DOCK10: variants seen among roughly 807,000 people sequenced by gnomAD.
DOCK10 encodes dedicator of cytokinesis protein 10.
A neutral mutation model predicts 280.1 loss-of-function variants in DOCK10; 145 were observed. That is an observed-to-expected ratio of 0.52 (90% CI 0.45 to 0.59). The LOEUF is 0.59. DOCK10 is among the 20% of genes least tolerant of loss of function. The pLI is 0.00. For missense variants in DOCK10, 2,368 were observed against 2,651.7 expected (o/e 0.89, Z 2.35); for synonymous variants, 915 against 942.2 (o/e 0.97, Z 0.53).
At chr2:224,849,422 G>T in intron 19 of DOCK10, 85 bp downstream of exon 19, 5 of 927,860 alleles carry the variant, frequency 5.4e-6, no homozygotes, top group Non-Finnish European at 1.7e-6. Flanking sequence ...GAGGTCTAGA[G>T]AGAGTGTTTT....
chr2:224,774,911 G>A lies in DOCK10; in HGVS notation c.6007C>T (p.Leu2003=), dbSNP rs768521140. 1.3e-6 allele frequency: 2 copies of A among 1,589,562 alleles called. No homozygotes were observed. Among genetic ancestry groups the A allele is most frequent in the Non-Finnish European group, 1.7e-6 (2 of 1,167,158 alleles). Residue 2003 remains leucine, a synonymous_variant, in exon 52 of 56, where the codon CTG becomes TTG. Transcript: ENST00000258390. ...VAEQCKRRTI[L]TTSHLFPYVK... ...CCCGGCTACCTGCACCTACTTGTCA[G>A]GATCGTCCGCCGCTTGCACTGCTCC...
chr2:224,881,119 C>T (rs1291036085), intron 7 of DOCK10, among the ~76,000 whole-genome samples: 1 of 152,110 alleles, frequency 6.6e-6, no homozygotes, highest in East Asian at 1.9e-4. Context: ...CATATATATA[C>T]ACATATATGT....
chr2:224,827,395 G>C (rs1694940856), intron 27 of DOCK10, among the ~76,000 whole-genome samples: 1 of 152,086 alleles, frequency 6.6e-6, no homozygotes, highest in Non-Finnish European at 1.5e-5. Flanking sequence ...CACTGAAAGG[G>C]GTCACGGAAA....
intron 3 of DOCK10, among the ~76,000 whole-genome samples, chr2:224,907,085 T>G (rs918689201): frequency 6.6e-6 from 1 of 152,206 alleles, no homozygotes; most frequent in Non-Finnish European, 1.5e-5. Flanking sequence ...GAATTGCAAT[T>G]AGCAGAGTCT....
intron 13 of DOCK10, among the ~76,000 whole-genome samples, chr2:224,864,292 G>A (rs1697721111): frequency 6.6e-6 from 1 of 152,176 alleles, no homozygotes; most frequent in African/African-American, 2.4e-5. Flanking sequence ...CCGATCACTT[G>A]AAGTCAGGAG....
intron 2 of DOCK10, among the ~76,000 whole-genome samples, chr2:224,919,401 T>C (rs1559761842): frequency 6.6e-6 from 1 of 150,976 alleles, no homozygotes; most frequent in Admixed American, 6.6e-5. Context: ...GTGTGTGGTA[T>C]ATGAATGTGT....
chr2:224,969,073 T>G (rs905638655), intron 1 of DOCK10, among the ~76,000 whole-genome samples: 2 of 152,208 alleles, frequency 1.3e-5, no homozygotes, highest in African/African-American at 4.8e-5. Flanking sequence ...CAGCTGTGAT[T>G]TTTTTTCTAC....
chr2:224,771,892 T>C (rs1206168116), intron 53 of DOCK10, among the ~76,000 whole-genome samples: 2 of 150,092 alleles, frequency 1.3e-5, no homozygotes, highest in Non-Finnish European at 3.0e-5. Context: ...AGTGTCAGGA[T>C]CAGTAGCATT....
intron 2 of DOCK10, among the ~76,000 whole-genome samples, chr2:224,919,150 A>T (rs1701535951): frequency 7.5e-6 from 1 of 132,478 alleles, no homozygotes; most frequent in Admixed American, 7.7e-5. Context: ...TGGTGTGTGT[A>T]TGTGTGGTGT....
At chr2:224,889,394 T>C (rs1699526649) in intron 4 of DOCK10, among the ~76,000 whole-genome samples, 1 of 152,144 alleles carries the variant, frequency 6.6e-6, no homozygotes, top group Non-Finnish European at 1.5e-5. Flanking sequence ...ATCAGAACCA[T>C]GTTCTCCATT....
intron 2 of DOCK10, among the ~76,000 whole-genome samples, chr2:224,918,996 A>T: frequency 8.7e-6 from 1 of 114,432 alleles, no homozygotes; most frequent in Non-Finnish European, 1.8e-5. Context: ...TGGTAAGTGT[A>T]TGTGTATGTG....
At chr2:224,854,560 T>C (rs1407253510) in intron 16 of DOCK10, among the ~76,000 whole-genome samples, 1 of 152,178 alleles carries the variant, frequency 6.6e-6, no homozygotes, top group Non-Finnish European at 1.5e-5. Context: ...AATGGGAGAA[T>C]ATATTGTCCC....
chr2:225,025,188 G>A (rs765773527), intron 1 of DOCK10, among the ~76,000 whole-genome samples: 2 of 152,342 alleles, frequency 1.3e-5, no homozygotes, highest in Non-Finnish European at 2.9e-5. Context: ...GAGATATCGA[G>A]TGAGAAGAAT....
At chr2:224,821,461 T>C (rs553938224) in intron 28 of DOCK10, among the ~76,000 whole-genome samples, 1 of 152,356 alleles carries the variant, frequency 6.6e-6, no homozygotes, top group East Asian at 1.9e-4. Flanking sequence ...CTCAAATTTA[T>C]TGGAATTGCA....
intron 1 of DOCK10, among the ~76,000 whole-genome samples, chr2:224,935,451 A>C (rs1702629743): frequency 6.6e-6 from 1 of 152,208 alleles, no homozygotes; most frequent in African/African-American, 2.4e-5. Flanking sequence ...AGTATAAAGT[A>C]GAGTGTGAGT....
intron 15 of DOCK10, 74 bp downstream of exon 15, chr2:224,856,767 GTGTTCGAGAATGAGATCCT>G (rs1372146050): frequency 2.5e-5 from 30 of 1,199,040 alleles, no homozygotes; most frequent in Non-Finnish European, 3.4e-5. Flanking sequence ...GGAGGTTTGG[GTGTTCGAGAATGAGATCCT>G]CAGGTATTTA....
Position 224,805,448 on chromosome 2 carries a change from G to A in DOCK10, c.3896C>T (p.Thr1299Ile), listed in dbSNP as rs1156612980. Residue 1299 changes from threonine (T) to isoleucine (I), a missense_variant, in exon 35 of 56, where the codon ACC becomes ATC. Physicochemically the swap from Thr to Ile is moderately conservative, Grantham distance 89. This residue lies in a region of DOCK10 where 1,159 missense variants were observed against 1,400.8 expected (regional missense o/e 0.83). Transcript: ENST00000258390. This position sits in a 1 kb window ranked among gnomAD's most constrained non-coding sequence, Gnocchi z 4.3. ...SLASLDSNPS[T>I]NEKSSEKTDN... ...CGTCTTCTCACTGCTCTTCTCATTG[G>A]TACTTGGATTGGAGTCAAGACTTGC... 3 of 1,612,738 alleles carry A rather than the reference G, an allele frequency of 1.9e-6. No homozygotes were observed. The highest frequency in any genetic ancestry group is 2.2e-5 in the South Asian group (2 of 91,050).
intron 1 of DOCK10, among the ~76,000 whole-genome samples, chr2:225,017,629 C>G (rs1689649333): frequency 6.7e-6 from 1 of 148,156 alleles, no homozygotes. Flanking sequence ...GTAATTTTTT[C>G]TGCTTTGTCA....
At chr2:225,029,554 C>CT (rs1052476133) in intron 1 of DOCK10, among the ~76,000 whole-genome samples, 50 of 152,228 alleles carry the variant, frequency 3.3e-4, no homozygotes, top group Admixed American at 2.9e-3. Flanking sequence ...CACAGTTTTT[C>CT]TTTTTTAATT....
Sources: allele counts gnomAD v4.1 joint callset (sites outside exome capture counted in the v4.1 genomes callset), GRCh38; gene constraint gnomAD v4.1.1; regional missense constraint gnomAD v4.1.1; non-coding constraint Gnocchi (gnomAD v3.1); transcripts MANE v1.5; gene names NCBI Gene and HGNC (gene_info 2026-07-23, HGNC 2026-07-21).